The following ADGRL3 variants were observed in gnomAD, a reference collection of about 807,000 sequenced individuals.
ADGRL3 encodes the protein calcium-independent alpha-latrotoxin receptor 3.
ADGRL3 carries 62 observed loss-of-function variants against 153.5 expected under a neutral mutation model. The ratio of observed to expected loss-of-function variants is 0.40; its 90% CI spans 0.33 to 0.50. The LOEUF is 0.50. Among genes scored for constraint, ADGRL3 ranks in the 20% least tolerant of loss-of-function variants. The probability of loss-of-function intolerance (pLI) is 0.47; values close to 1 mark genes in which losing one functional copy is unlikely to be tolerated. For missense variants in ADGRL3, 1,641 were observed against 1,859.4 expected, an observed-to-expected ratio of 0.88 and a Z score of 2.16; for synonymous variants, 710 against 672.5, an observed-to-expected ratio of 1.06 and a Z score of -0.86.
At chr4:61,595,353 C>T (rs894324876) in intron 5 of ADGRL3, among the ~76,000 whole-genome samples, 1 of 152,040 alleles carries the variant, frequency 6.6e-6, no homozygotes, top group African/African-American at 2.4e-5. Context: ...TTTTCAGGGC[C>T]CAAGCGTTCT....
rs533413285 is a variant in ADGRL3, at chr4:61,395,743, A to G, written c.-174+12554A>G. 4.6e-5 allele frequency among the ~76,000 whole-genome samples: 7 copies of G among 152,156 alleles called. No individual in the cohort carries two copies. In the South Asian group the frequency reaches 1.2e-3, roughly 27 times the overall value. ...TAACCCATTTGAAAGAGACCAGAAA[A>G]TGATAATATATCAGAAAATGATAAG... On this transcript the variant is annotated intron_variant, in intron 2 of 26. Coordinates refer to ENST00000683033, the MANE Select transcript of ADGRL3 (RefSeq NM_001387552.1).
chr4:61,404,389 T>G (rs1437469520), intron 2 of ADGRL3, among the ~76,000 whole-genome samples: 1 of 152,072 alleles, frequency 6.6e-6, no homozygotes, highest in African/African-American at 2.4e-5. Context: ...TCCTGTTTAG[T>G]TACTCTGAGG....
chr4:61,550,455 C>T (rs1367305251), intron 4 of ADGRL3, among the ~76,000 whole-genome samples: 1 of 151,808 alleles, frequency 6.6e-6, no homozygotes. Context: ...TTATTTCTAC[C>T]TTAATTCAGA....
intron 4 of ADGRL3, among the ~76,000 whole-genome samples, chr4:61,556,844 C>A (rs1410228369): frequency 6.6e-6 from 1 of 152,120 alleles, no homozygotes; most frequent in South Asian, 2.1e-4. Flanking sequence ...TGCTCACCTC[C>A]AGTTTTTACA....
chr4:61,287,434 G>T (rs1486280055), intron 1 of ADGRL3, among the ~76,000 whole-genome samples: 7 of 151,668 alleles, frequency 4.6e-5, no homozygotes, highest in African/African-American at 9.7e-5. Context: ...TAAAACAGTA[G>T]AAAAATTACC....
intron 8 of ADGRL3, among the ~76,000 whole-genome samples, chr4:61,768,583 C>T (rs1400517382): frequency 6.6e-6 from 1 of 151,958 alleles, no homozygotes; most frequent in Non-Finnish European, 1.5e-5. Flanking sequence ...ATTGAAAGTG[C>T]CGTTTTCTGG....
At chr4:61,702,080 G>A (rs1330800807) in intron 6 of ADGRL3, among the ~76,000 whole-genome samples, 1 of 152,162 alleles carries the variant, frequency 6.6e-6, no homozygotes. Context: ...GTCACTTGCA[G>A]GGCTGACCAC....
intron 2 of ADGRL3, among the ~76,000 whole-genome samples, chr4:61,486,600 T>C (rs1160598135): frequency 6.6e-6 from 1 of 152,184 alleles, no homozygotes; most frequent in Non-Finnish European, 1.5e-5. Flanking sequence ...CACAACTAAT[T>C]CAACTTTGAA....
intron 4 of ADGRL3, among the ~76,000 whole-genome samples, chr4:61,574,616 A>G (rs1005859832): frequency 6.6e-6 from 1 of 151,896 alleles, no homozygotes; most frequent in African/African-American, 2.4e-5. Context: ...ATAGATGATC[A>G]GAATGATATA....
At chr4:61,664,876 C>A (rs1026628414) in intron 5 of ADGRL3, among the ~76,000 whole-genome samples, 4 of 152,042 alleles carry the variant, frequency 2.6e-5, no homozygotes, top group African/African-American at 7.2e-5. Flanking sequence ...ATCCTCTAAC[C>A]CCCATCCTCT....
rs777508699 is a variant in ADGRL3, at chr4:61,387,246, G to C, written c.-174+4057G>C. Among the ~76,000 whole-genome samples, 119 of 152,040 alleles carry C rather than the reference G, an allele frequency of 7.8e-4. 1 individual carries two copies. The highest frequency in any genetic ancestry group is 1.2e-3 in the Non-Finnish European group (84 of 67,998). On this transcript the variant is annotated intron_variant, in intron 2 of 26. Coordinates refer to ENST00000683033, the MANE Select transcript of ADGRL3 (RefSeq NM_001387552.1). ...GTGACAGACATCAAGTACTTAACAG[G>C]GTAATAGAATATCACAAGGCAAGTG...
chr4:61,801,582 G>A (rs2097498071), intron 8 of ADGRL3, among the ~76,000 whole-genome samples: 1 of 151,956 alleles, frequency 6.6e-6, no homozygotes, highest in East Asian at 1.9e-4. Flanking sequence ...TTGGACTGTG[G>A]CATTTTAAAT....
At chr4:61,277,895 C>A (rs1276422485) in intron 1 of ADGRL3, among the ~76,000 whole-genome samples, 1 of 152,126 alleles carries the variant, frequency 6.6e-6, no homozygotes, top group East Asian at 1.9e-4. Context: ...ACTTAACTGG[C>A]ATATAGACAG....
chr4:61,332,152 T>C (rs1335005510), intron 1 of ADGRL3, among the ~76,000 whole-genome samples: 1 of 152,188 alleles, frequency 6.6e-6, no homozygotes, highest in African/African-American at 2.4e-5. Flanking sequence ...GGAAATTTAC[T>C]AGTGACTTCT....
At chr4:61,977,532 C>T (rs1329568375) in intron 17 of ADGRL3, among the ~76,000 whole-genome samples, 1 of 152,148 alleles carries the variant, frequency 6.6e-6, no homozygotes, top group Non-Finnish European at 1.5e-5. Context: ...ATGACTTGAG[C>T]TCCTTCTGAG....
At chr4:61,227,958 G>T (rs1424351952) in intron 1 of ADGRL3, among the ~76,000 whole-genome samples, 1 of 152,130 alleles carries the variant, frequency 6.6e-6, no homozygotes, top group East Asian at 1.9e-4. Context: ...ATAGTACAAA[G>T]AATTCCTGTA....
intron 1 of ADGRL3, among the ~76,000 whole-genome samples, chr4:61,368,708 G>A (rs1429236876): frequency 6.6e-6 from 1 of 152,084 alleles, no homozygotes; most frequent in Non-Finnish European, 1.5e-5. Flanking sequence ...ACTTGGCAAT[G>A]CGGGCTCTTT....
intron 2 of ADGRL3, among the ~76,000 whole-genome samples, chr4:61,398,417 T>A (rs1467844300): frequency 9.7e-6 from 1 of 102,866 alleles, no homozygotes; most frequent in Admixed American, 1.3e-4. Flanking sequence ...CTTTTTTCAC[T>A]GAGATCAGTT....
intron 5 of ADGRL3, among the ~76,000 whole-genome samples, chr4:61,672,168 AAT>A (rs1460118509): frequency 6.6e-6 from 1 of 152,078 alleles, no homozygotes; most frequent in Non-Finnish European, 1.5e-5. Context: ...GTTTTCTTCT[AAT>A]AGTTTTATAG....
Sources: allele counts gnomAD v4.1 joint callset (sites outside exome capture counted in the v4.1 genomes callset), GRCh38; gene constraint gnomAD v4.1.1; transcripts MANE v1.5; gene names NCBI Gene and HGNC (gene_info 2026-07-23, HGNC 2026-07-21).